Variants in SPHKAP observed in about 807,000 individuals in gnomAD.
SPHKAP encodes the protein SPHK1 interactor, AKAP domain containing, also known as A-kinase anchor protein SPHKAP.
Under a neutral mutation model 137.5 loss-of-function variants are expected in SPHKAP, and 67 were observed. That is an observed-to-expected ratio of 0.49 (90% CI 0.40 to 0.60). The LOEUF (loss-of-function observed/expected upper bound fraction) is 0.60. Among genes scored for constraint, SPHKAP ranks in the 20% least tolerant of loss-of-function variants. SPHKAP has a pLI of 0.00. For missense variants in SPHKAP, 2,097 were observed against 2,069.3 expected, an observed-to-expected ratio of 1.01 and a Z score of -0.26; for synonymous variants, 813 against 785.3, an observed-to-expected ratio of 1.04 and a Z score of -0.59.
chr2:228,106,593 G>T (rs114225584), intron 3 of SPHKAP, among the ~76,000 whole-genome samples: 2,957 of 152,190 alleles, frequency 0.019, 98 homozygotes, highest in African/African-American at 0.068. Context: ...TTTGCATGCT[G>T]GTGTGGAGAA....
intron 5 of SPHKAP, among the ~76,000 whole-genome samples, chr2:228,024,827 G>A (rs1694971368): frequency 6.6e-6 from 1 of 151,812 alleles, no homozygotes; most frequent in South Asian, 2.1e-4. Context: ...TATATAATAG[G>A]AATGAACATG....
Position 228,018,581 on chromosome 2 carries a change from G to T in SPHKAP, c.2273C>A (p.Ala758Asp), listed in dbSNP as rs540293771. 1.2e-6 allele frequency: 2 copies of T among 1,613,866 alleles called. No individual in the cohort carries two copies. Among genetic ancestry groups the T allele is most frequent in the African/African-American group, 2.7e-5 (2 of 74,942 alleles). Residue 758 changes from alanine to aspartate, a missense_variant, in exon 7 of 12, where the codon GCT becomes GAT. Ala to Asp is a moderately radical substitution (Grantham distance 126). Coordinates refer to ENST00000392056, the MANE Select transcript of SPHKAP (RefSeq NM_001142644.2). Reference sequence around the variant, plus strand: ...AGTGGCTTTTGTCCAAGCTTGACTAGCACCCGGATCAGATGGCTGGCAGCT... The same window carrying T: ...AGTGGCTTTTGTCCAAGCTTGACTATCACCCGGATCAGATGGCTGGCAGCT... Reference protein sequence around the residue: ...EPSCQPSDPGASQAWTKATES... With the variant: ...EPSCQPSDPGDSQAWTKATES...
At chr2:228,004,646 G>A (rs952593622) in intron 7 of SPHKAP, among the ~76,000 whole-genome samples, 1 of 152,116 alleles carries the variant, frequency 6.6e-6, no homozygotes, top group African/African-American at 2.4e-5. Context: ...TAATTGTGAT[G>A]TTAGGGTGTC....
intron 2 of SPHKAP, among the ~76,000 whole-genome samples, chr2:228,115,641 C>A (rs993549039): frequency 6.6e-6 from 1 of 152,066 alleles, no homozygotes; most frequent in Non-Finnish European, 1.5e-5. Context: ...TAATATGTAA[C>A]CAGTCTCCAT....
intron 7 of SPHKAP, among the ~76,000 whole-genome samples, chr2:228,001,364 T>C (rs1168035838): frequency 7.0e-6 from 1 of 143,418 alleles, no homozygotes; most frequent in East Asian, 2.0e-4. Context: ...TATAAATATA[T>C]ACACACATAA....
Position 228,033,366 on chromosome 2 carries a change from A to C in SPHKAP, c.247-5823T>G, listed in dbSNP as rs568133067. 1.8e-4 allele frequency among the ~76,000 whole-genome samples: 28 copies of C among 152,294 alleles called. No individual in the cohort carries two copies. The East Asian group carries it at 3.5e-3, about 19-fold the overall frequency. On this transcript the variant is annotated intron_variant, in intron 3 of 11. Coordinates refer to ENST00000392056, the MANE Select transcript of SPHKAP (RefSeq NM_001142644.2). ...TATATGCACCCAATACAGGAGCACCAAGATTCATAAAGCAAGTCCTTAGTG... is the reference window on the plus strand; with the variant it reads ...TATATGCACCCAATACAGGAGCACCCAGATTCATAAAGCAAGTCCTTAGTG...
intron 7 of SPHKAP, among the ~76,000 whole-genome samples, chr2:228,015,810 AGC>A (rs1694561078): frequency 6.6e-6 from 1 of 152,212 alleles, no homozygotes; most frequent in Admixed American, 6.5e-5. Flanking sequence ...AAAAACAGAA[AGC>A]AAAACTTGAA....
At chr2:228,147,690 G>A (rs1192577646) in intron 1 of SPHKAP, among the ~76,000 whole-genome samples, 1 of 152,154 alleles carries the variant, frequency 6.6e-6, no homozygotes, top group African/African-American at 2.4e-5. Context: ...CACTTTACAA[G>A]CTTTGTTGTT....
chr2:228,150,601 G>A (rs1699898911), intron 1 of SPHKAP, among the ~76,000 whole-genome samples: 1 of 151,364 alleles, frequency 6.6e-6, no homozygotes, highest in Non-Finnish European at 1.5e-5. Context: ...ACTTTTGTCT[G>A]TAATATCTAT....
chr2:228,001,815 A>C (rs967013946), intron 7 of SPHKAP, among the ~76,000 whole-genome samples: 30 of 151,846 alleles, frequency 2.0e-4, no homozygotes, highest in Non-Finnish European at 3.2e-4. Flanking sequence ...TGAGAACGTG[A>C]AGTGTTTGGT....
chr2:227,993,615 C>G lies in SPHKAP; in HGVS notation c.4640G>C (p.Gly1547Ala). 2 of 1,590,522 alleles carry G rather than the reference C, an allele frequency of 1.3e-6. No individual in the cohort carries two copies. The highest frequency in any genetic ancestry group is 1.7e-6 in the Non-Finnish European group (2 of 1,167,804). The stretch of plus-strand genomic sequence containing the variant: ...AAGACTGCTAGTGGCACTACTGTTG[C>G]CATTGCTGACAAAGCAAAAGTTTAC... ...LQLSERSMSN[G>A]NSSATSSLGI... The change falls in exon 9 of 12, where the codon GGC becomes GCC. Residue 1547 changes from glycine to alanine, a missense_variant. Coordinates refer to ENST00000392056, the MANE Select transcript of SPHKAP (RefSeq NM_001142644.2).
intron 3 of SPHKAP, among the ~76,000 whole-genome samples, chr2:228,076,756 A>G (rs1412532915): frequency 6.6e-6 from 1 of 152,220 alleles, no homozygotes; most frequent in Non-Finnish European, 1.5e-5. Flanking sequence ...ATGCAATAGA[A>G]AAGAAAATCC....
chr2:228,179,027 T>G (rs1395462368), intron 1 of SPHKAP, among the ~76,000 whole-genome samples: 2 of 152,238 alleles, frequency 1.3e-5, no homozygotes, highest in African/African-American at 4.8e-5. Context: ...TGATTGAAAT[T>G]TCAGTAATTT....
chr2:228,108,775 ACATGTGCC>A, intron 3 of SPHKAP, 49 bp downstream of exon 3: 2 of 1,223,134 alleles, frequency 1.6e-6, no homozygotes, highest in Non-Finnish European at 2.4e-6. Context: ...AAACATGGGT[ACATGTGCC>A]CGCTTCCCTG....
At chr2:228,104,270 ATATAT>A (rs1026963743) in intron 3 of SPHKAP, among the ~76,000 whole-genome samples, 2 of 131,356 alleles carry the variant, frequency 1.5e-5, no homozygotes, top group African/African-American at 5.5e-5. Flanking sequence ...TCATTATATT[ATATAT>A]TATATATCAT....
rs539419350 is a variant in SPHKAP, at chr2:228,054,663, G to A, written c.247-27120C>T. Among the ~76,000 whole-genome samples, 272 of 152,248 alleles carry A rather than the reference G, an allele frequency of 1.8e-3. 1 individual carries two copies. The highest frequency in any genetic ancestry group is 3.2e-3 in the Non-Finnish European group (217 of 68,014). On this transcript the variant is annotated intron_variant, in intron 3 of 11. Transcript: ENST00000392056. ...TTCTAAAAGTGGGACTTGGGCATGA[G>A]AGCACCTTGGAAAAGGTCCCAGGTG...
intron 3 of SPHKAP, among the ~76,000 whole-genome samples, chr2:228,081,889 T>C (rs918786995): frequency 5.3e-5 from 8 of 152,182 alleles, no homozygotes; most frequent in African/African-American, 1.9e-4. Flanking sequence ...ATGATGACTG[T>C]AGTTAATAAC....
chr2:228,006,778 G>C (rs1694156609), intron 7 of SPHKAP, among the ~76,000 whole-genome samples: 1 of 152,198 alleles, frequency 6.6e-6, no homozygotes, highest in African/African-American at 2.4e-5. Flanking sequence ...CTCAGCTGCA[G>C]GTCTGTTGGA....
At position 228,025,471 on chromosome 2, in the gene SPHKAP, G is replaced by GT. The variant is rs1194669186; in HGVS notation, c.363dup (p.Gln122ThrfsTer6). 6.2e-7 allele frequency: 1 copy of GT among 1,613,778 alleles called. No homozygotes were observed. The highest frequency in any genetic ancestry group is 1.3e-5 in the African/African-American group (1 of 74,882). On this transcript the variant is annotated frameshift_variant, in exon 5 of 12. Transcript: ENST00000392056. LOFTEE classifies it high-confidence loss of function. ...ACAACAATTTCATTTTCTTTTGGTT[G>GT]TTGGACATTCATGGAACTGATAAGT... is the stretch of plus-strand genomic sequence containing the variant.
Sources: allele counts gnomAD v4.1 joint callset (sites outside exome capture counted in the v4.1 genomes callset), GRCh38; gene constraint gnomAD v4.1.1; transcripts MANE v1.5; gene names NCBI Gene and HGNC (gene_info 2026-07-23, HGNC 2026-07-21).